CBLB: variants seen among roughly 807,000 people sequenced by gnomAD.
The protein encoded by CBLB is E3 ubiquitin-protein ligase CBL-B.
Under a neutral mutation model 104.9 loss-of-function variants are expected in CBLB, and 31 were observed. The observed-to-expected ratio is 0.30, with a 90% confidence interval of 0.22 to 0.40. The LOEUF (loss-of-function observed/expected upper bound fraction) is 0.40, where lower values mean the gene tolerates loss of function less well. Ranked by LOEUF, CBLB falls within the 10% of genes least tolerant of loss-of-function variation. The probability of loss-of-function intolerance (pLI) is 1.00; values close to 1 mark genes in which losing one functional copy is unlikely to be tolerated. For synonymous variants in CBLB, 440 were observed against 422.6 expected, an observed-to-expected ratio of 1.04 and a Z score of -0.51; for missense variants, 1,062 against 1,214.6, an observed-to-expected ratio of 0.87 and a Z score of 1.87.
chr3:105,837,295 A>G (rs893979724), intron 3 of CBLB, among the ~76,000 whole-genome samples: 1 of 152,264 alleles, frequency 6.6e-6, no homozygotes, highest in Non-Finnish European at 1.5e-5. Flanking sequence ...TCAATAATAC[A>G]TACCAAATGA....
Position 105,746,247 on chromosome 3 carries a change from A to AT in CBLB, c.724-210dup. Among the ~76,000 whole-genome samples the AT allele has an allele frequency of 2.6e-5, 4 of 152,290 alleles. No individual in the cohort carries two copies. The Middle Eastern group carries it at 0.01, about 388-fold the overall frequency. The stretch of plus-strand genomic sequence containing the variant: ...AGAAATATGATTAGGCAGAAAACAG[A>AT]TTTTTCAGGAAGAGAATACAGAGAA... On this transcript the variant is annotated intron_variant, in intron 5 of 18. Transcript: ENST00000394030.
At chr3:105,679,541 G>A (rs769626550) in intron 16 of CBLB, among the ~76,000 whole-genome samples, 2 of 152,074 alleles carry the variant, frequency 1.3e-5, no homozygotes, top group Non-Finnish European at 2.9e-5. Flanking sequence ...ATTTTGGGAG[G>A]CCAAGGTGGG....
intron 4 of CBLB, among the ~76,000 whole-genome samples, chr3:105,752,873 T>A (rs2076715166): frequency 6.6e-6 from 1 of 152,186 alleles, no homozygotes; most frequent in African/African-American, 2.4e-5. Flanking sequence ...AAATGTTCCC[T>A]GAGGCTGCTG....
chr3:105,693,509 A>G lies in CBLB; in HGVS notation c.2039T>C (p.Leu680Pro), dbSNP rs746479250. 12 of 1,608,230 alleles carry G rather than the reference A, an allele frequency of 7.5e-6. No individual in the cohort carries two copies. The highest frequency in any genetic ancestry group is 1.7e-5 in the Admixed American group (1 of 59,944). Reference protein sequence around the residue: ...RLSPPPPVTTLLPSIKCTGPL... With the variant: ...RLSPPPPVTTPLPSIKCTGPL... ...CAAAACTCACTTTATGCTAGGGAGG[A>G]GGGTGGTAACTGGAGGAGGAGGAGA... is the stretch of plus-strand genomic sequence containing the variant. Residue 680 changes from leucine to proline, a missense_variant, in exon 13 of 19, where the codon CTC (leucine) becomes CCC (proline). Transcript: ENST00000394030.
At chr3:105,685,283 G>A in intron 14 of CBLB, 37 bp downstream of exon 14, 1 of 1,546,008 alleles carries the variant, frequency 6.5e-7, no homozygotes, top group Non-Finnish European at 8.9e-7. Flanking sequence ...TAATGCTTAT[G>A]CAGATGTAAG....
intron 4 of CBLB, among the ~76,000 whole-genome samples, chr3:105,753,211 T>C (rs2076746189): frequency 6.6e-6 from 1 of 151,958 alleles, no homozygotes; most frequent in African/African-American, 2.4e-5. Flanking sequence ...TCAGGTACCA[T>C]TAAAAGAAGA....
intron 4 of CBLB, among the ~76,000 whole-genome samples, chr3:105,754,495 GAGAGAGAGAGAGAGAGAGAGAGAGAGAC>G (rs1349831780): frequency 1.2e-4 from 5 of 40,252 alleles, no homozygotes; most frequent in Admixed American, 2.5e-4. Flanking sequence ...GAAAAGGGAA[GAGAGAGAGAGAGAGAGAGAGAGAGAGAC>G]AGAGAGAGAG....
chr3:105,846,280 G>GA (rs1401669010), intron 3 of CBLB, among the ~76,000 whole-genome samples: 1 of 151,848 alleles, frequency 6.6e-6, no homozygotes, highest in Non-Finnish European at 1.5e-5. Flanking sequence ...AGGAGAAACA[G>GA]AAAAACTAGG....
At chr3:105,745,257 G>A (rs543537507) in intron 6 of CBLB, among the ~76,000 whole-genome samples, 2 of 152,196 alleles carry the variant, frequency 1.3e-5, no homozygotes, top group Non-Finnish European at 2.9e-5. Context: ...CCATGGAAGA[G>A]ACAGATTTTC....
intron 10 of CBLB, among the ~76,000 whole-genome samples, chr3:105,706,064 C>G (rs1258902350): frequency 6.6e-6 from 1 of 151,952 alleles, no homozygotes; most frequent in Non-Finnish European, 1.5e-5. Flanking sequence ...ATTCCTTGAG[C>G]CCAGGAGTTT....
chr3:105,674,522 C>T (rs934198663), intron 17 of CBLB, among the ~76,000 whole-genome samples: 2 of 152,146 alleles, frequency 1.3e-5, no homozygotes, highest in Non-Finnish European at 2.9e-5. Context: ...AGCATAAAGA[C>T]TGACAAAAAC....
chr3:105,686,629 G>C (rs942044493), intron 13 of CBLB, among the ~76,000 whole-genome samples: 1 of 151,984 alleles, frequency 6.6e-6, no homozygotes, highest in Non-Finnish European at 1.5e-5. Context: ...TTACAAGAAG[G>C]CATTTTGAAA....
intron 17 of CBLB, among the ~76,000 whole-genome samples, chr3:105,676,654 C>G (rs1016796271): frequency 1.3e-5 from 2 of 152,054 alleles, no homozygotes. Context: ...AAAAAAATAG[C>G]GAAATACAGC....
chr3:105,675,987 C>CT (rs34061447), intron 17 of CBLB, among the ~76,000 whole-genome samples: 51,700 of 140,748 alleles, frequency 0.37, 9,468 homozygotes, highest in Middle Eastern at 0.46. Flanking sequence ...AAAAAGTTGC[C>CT]TTTTTTTTTT....
intron 3 of CBLB, among the ~76,000 whole-genome samples, chr3:105,801,340 T>C (rs4894953): frequency 0.67 from 101,572 of 151,986 alleles, 35,004 homozygotes; most frequent in Middle Eastern, 0.8. Context: ...TGGTAAAAGA[T>C]AGTATTTTTA....
chr3:105,734,028 G>C lies in CBLB; in HGVS notation c.1184C>G (p.Ser395Cys). 2 of 1,613,940 alleles carry C rather than the reference G, an allele frequency of 1.2e-6. No individual in the cohort carries two copies. Among genetic ancestry groups the C allele is most frequent in the Non-Finnish European group, 1.7e-6 (2 of 1,179,826 alleles). ...TTATACCTGCCATGCCGTAAGGCAAGAGGTGCACATCAAATGCCCACAAGG... is the reference window on the plus strand; with the variant it reads ...TTATACCTGCCATGCCGTAAGGCAACAGGTGCACATCAAATGCCCACAAGG... ...IEPCGHLMCT[S>C]CLTAWQESDG... The change falls in exon 9 of 19, where the codon TCT becomes TGT. Residue 395 changes from serine to cysteine, a missense_variant. By Grantham distance (112) the Ser-to-Cys change is moderately radical (BLOSUM62 -1). This residue lies in a region of CBLB where 457 missense variants were observed against 632.0 expected (regional missense o/e 0.72). Coordinates refer to ENST00000394030, the MANE Select transcript of CBLB (RefSeq NM_170662.5).
At chr3:105,679,125 C>T (rs1276458823) in intron 16 of CBLB, among the ~76,000 whole-genome samples, 1 of 151,514 alleles carries the variant, frequency 6.6e-6, no homozygotes, top group African/African-American at 2.4e-5. Flanking sequence ...TAAAATGTAC[C>T]TAGAGCAGAG....
chr3:105,679,196 T>C (rs1262655422), intron 16 of CBLB, among the ~76,000 whole-genome samples: 1 of 152,080 alleles, frequency 6.6e-6, no homozygotes, highest in Non-Finnish European at 1.5e-5. Flanking sequence ...TATAGAACCT[T>C]CTCTGGTTCC....
chr3:105,681,396 T>TTATA (rs1472449141), intron 16 of CBLB, 83 bp downstream of exon 16: 1 of 1,451,376 alleles, frequency 6.9e-7, no homozygotes, highest in East Asian at 2.3e-5. Flanking sequence ...TGAGTCTGTG[T>TTATA]TATACTGAAC....
Sources: allele counts gnomAD v4.1 joint callset (sites outside exome capture counted in the v4.1 genomes callset), GRCh38; gene constraint gnomAD v4.1.1; regional missense constraint gnomAD v4.1.1; transcripts MANE v1.5; gene names NCBI Gene and HGNC (gene_info 2026-07-23, HGNC 2026-07-21).